The following RBFOX2 variants were observed in gnomAD, a reference collection of about 807,000 sequenced individuals.
RBFOX2 encodes RNA binding protein fox-1 homolog 2.
RBFOX2 carries 10 observed loss-of-function variants against 49.1 expected under a neutral mutation model. The ratio of observed to expected loss-of-function variants is 0.20; its 90% confidence interval spans 0.13 to 0.35. The LOEUF (loss-of-function observed/expected upper bound fraction) is 0.35. Ranked by LOEUF, RBFOX2 falls within the 10% of genes least tolerant of loss-of-function variation. The pLI, the probability that RBFOX2 is intolerant of heterozygous loss-of-function variation, is 1.00. For synonymous variants in RBFOX2, 183 were observed against 187.4 expected, an observed-to-expected ratio of 0.98 and a Z score of 0.19; for missense variants, 323 against 486.9, an observed-to-expected ratio of 0.66 and a Z score of 3.17.
intron 1 of RBFOX2, among the ~76,000 whole-genome samples, chr22:35,885,615 A>G (rs1043012960): frequency 2.0e-5 from 3 of 152,072 alleles, no homozygotes; most frequent in African/African-American, 7.2e-5. Flanking sequence ...ATTAAAGTTC[A>G]TCTCACACAC....
intron 1 of RBFOX2, among the ~76,000 whole-genome samples, chr22:35,821,399 C>T (rs888746676): frequency 2.6e-5 from 4 of 151,672 alleles, no homozygotes; most frequent in Admixed American, 1.3e-4. Context: ...GTCAGGAGTT[C>T]GAGACCAGCC....
At chr22:35,753,717 G>C (rs1194568626) in intron 9 of RBFOX2, among the ~76,000 whole-genome samples, 1 of 139,482 alleles carries the variant, frequency 7.2e-6, no homozygotes, top group East Asian at 2.2e-4. Context: ...AAGGAAGTAA[G>C]ATAACTATTA....
chr22:35,768,107 T>C, intron 5 of RBFOX2, 150 bp downstream of exon 6: 1 of 789,510 alleles, frequency 1.3e-6, no homozygotes, highest in Middle Eastern at 3.8e-4. Context: ...TACATTTTAG[T>C]GCAAGAAGGT....
intron 1 of RBFOX2, among the ~76,000 whole-genome samples, chr22:35,984,806 A>C (rs186594890): frequency 6.6e-4 from 101 of 152,316 alleles, no homozygotes; most frequent in Non-Finnish European, 1.3e-3. Context: ...CTATGTCTGG[A>C]ACACCCTTAC....
chr22:35,930,089 T>C (rs1372427298), intron 1 of RBFOX2, among the ~76,000 whole-genome samples: 1 of 146,826 alleles, frequency 6.8e-6, no homozygotes, highest in African/African-American at 2.5e-5. Context: ...TGGCATAATC[T>C]CAGCTCACTG....
intron 1 of RBFOX2, among the ~76,000 whole-genome samples, chr22:35,956,493 C>A (rs1313702284): frequency 6.6e-6 from 1 of 152,088 alleles, no homozygotes; most frequent in Admixed American, 6.6e-5. Context: ...TCCCAGGTAG[C>A]TGGGACTACA....
chr22:35,859,214 A>T (rs958334834), intron 1 of RBFOX2, among the ~76,000 whole-genome samples: 2 of 152,206 alleles, frequency 1.3e-5, no homozygotes, highest in African/African-American at 4.8e-5. Flanking sequence ...GAAAACCCAG[A>T]AATATTTCAC....
chr22:35,875,608 GT>G (rs765008845), intron 1 of RBFOX2, among the ~76,000 whole-genome samples: 1,233 of 4,462 alleles, frequency 0.28, 16 homozygotes, highest in East Asian at 0.41. Flanking sequence ...GCTCACAAGG[GT>G]GTGTGTGTGT....
chr22:35,910,996 A>G (rs1320318291), intron 1 of RBFOX2, among the ~76,000 whole-genome samples: 1 of 152,204 alleles, frequency 6.6e-6, no homozygotes, highest in Non-Finnish European at 1.5e-5. Flanking sequence ...TAAATATAAT[A>G]GTCCCCCACA....
intron 2 of RBFOX2, among the ~76,000 whole-genome samples, chr22:35,800,724 T>C (rs755875811): frequency 6.6e-5 from 10 of 152,094 alleles, no homozygotes; most frequent in Non-Finnish European, 1.0e-4. Flanking sequence ...CCAAGAAGCA[T>C]TTACTGAGTT....
chr22:35,875,306 T>C (rs1030496349), intron 1 of RBFOX2, among the ~76,000 whole-genome samples: 3 of 152,312 alleles, frequency 2.0e-5, no homozygotes, highest in Admixed American at 6.5e-5. Flanking sequence ...GTTTATTAAA[T>C]AGTTAAACCT....
intron 9 of RBFOX2, among the ~76,000 whole-genome samples, chr22:35,753,291 G>T (rs5750175): frequency 0.22 from 32,744 of 152,104 alleles, 5,369 homozygotes; most frequent in African/African-American, 0.46. Context: ...AAATGATAGT[G>T]TTTTGTTGTC....
At chr22:35,977,308 T>G (rs1222991240) in intron 1 of RBFOX2, among the ~76,000 whole-genome samples, 1 of 152,088 alleles carries the variant, frequency 6.6e-6, no homozygotes, top group Admixed American at 6.5e-5. Context: ...TATACACTTA[T>G]ATGACCCTGC....
intron 2 of RBFOX2, among the ~76,000 whole-genome samples, chr22:35,784,546 G>C (rs1451838383): frequency 6.6e-6 from 1 of 152,246 alleles, no homozygotes; most frequent in Non-Finnish European, 1.5e-5. Context: ...CAGGCAGTCA[G>C]GCAGTCATTC....
chr22:35,910,128 G>GA (rs34736197), intron 1 of RBFOX2, among the ~76,000 whole-genome samples: 1 of 151,704 alleles, frequency 6.6e-6, no homozygotes, highest in South Asian at 2.1e-4. Flanking sequence ...TTTAAAGTTT[G>GA]AAAAAAAGCC....
chr22:35,803,100 T>C (rs1043617254), intron 2 of RBFOX2, among the ~76,000 whole-genome samples: 20 of 152,054 alleles, frequency 1.3e-4, no homozygotes, highest in African/African-American at 4.6e-4. Flanking sequence ...GGCCGTATAC[T>C]GTGTGGGAGT....
chr22:36,002,524 C>T (rs534083521), intron 1 of RBFOX2, among the ~76,000 whole-genome samples: 3 of 152,314 alleles, frequency 2.0e-5, no homozygotes, highest in East Asian at 1.9e-4. Flanking sequence ...GGTATACAAA[C>T]GGGGTATATA....
intron 1 of RBFOX2, chr22:35,998,351 A>G (rs1281624939): frequency 3.3e-5 from 5 of 152,088 alleles, no homozygotes; most frequent in African/African-American, 4.8e-5. Flanking sequence ...ACTACCTCAC[A>G]TAGAGAACAT....
Position 36,012,082 on chromosome 22 carries a change from A to G in RBFOX2, c.186+16158T>C, listed in dbSNP as rs920374803. On this transcript the variant is annotated intron_variant, in intron 1 of 13. Transcript: ENST00000438146. ...TTAGAGATGGAATAACTTTGAGATG[A>G]AAAAAAGCCAAAAAACAACGACAAA... 2.0e-5 allele frequency among the ~76,000 whole-genome samples: 3 copies of G among 152,184 alleles called. No homozygotes were observed. In the South Asian group the frequency reaches 6.2e-4, roughly 32 times the overall value.
Sources: gnomAD v4.1 joint callset for allele counts (sites outside exome capture counted in the v4.1 genomes callset) on GRCh38, gnomAD v4.1.1 for gene constraint, MANE v1.5 for transcripts, NCBI Gene and HGNC (gene_info 2026-07-23, HGNC 2026-07-21) for gene names.